PPFIA2: variants seen among roughly 807,000 people sequenced by gnomAD.
The protein encoded by PPFIA2 is liprin-alpha-2.
Under a neutral mutation model 175.5 loss-of-function variants are expected in PPFIA2, and 46 were observed. The observed-to-expected ratio is 0.26, with a 90% CI of 0.21 to 0.34. The LOEUF is 0.34. Among genes scored for constraint, PPFIA2 ranks in the 10% least tolerant of loss-of-function variants. The pLI, the probability that PPFIA2 is intolerant of heterozygous loss-of-function variation, is 1.00. For synonymous variants in PPFIA2, 568 were observed against 511.4 expected (o/e 1.11, Z -1.49); for missense variants, 1,179 against 1,506.1 (o/e 0.78, Z 3.60).
At chr12:81,663,448 A>C (rs1167494611) in intron 4 of PPFIA2, among the ~76,000 whole-genome samples, 1 of 152,218 alleles carries the variant, frequency 6.6e-6, no homozygotes, top group Non-Finnish European at 1.5e-5. Flanking sequence ...AATTGCTTCA[A>C]AGATAATAAA....
intron 22 of PPFIA2, among the ~76,000 whole-genome samples, chr12:81,313,506 A>G (rs1179750054): frequency 1.3e-5 from 2 of 151,980 alleles, no homozygotes; most frequent in Non-Finnish European, 2.9e-5. Flanking sequence ...TCTGTGGGAA[A>G]CTCCTTAGAT....
At chr12:81,540,117 C>T (rs949493057) in intron 4 of PPFIA2, among the ~76,000 whole-genome samples, 3 of 151,746 alleles carry the variant, frequency 2.0e-5, no homozygotes, top group Admixed American at 1.3e-4. Flanking sequence ...GTGTTTATAG[C>T]CAATTTCAGG....
intron 4 of PPFIA2, among the ~76,000 whole-genome samples, chr12:81,632,670 A>G (rs1477952040): frequency 6.6e-6 from 1 of 151,000 alleles, no homozygotes; most frequent in East Asian, 1.9e-4. Flanking sequence ...GAATTACACA[A>G]TATGTTTAAT....
chr12:81,431,542 T>C (rs1287968685), intron 7 of PPFIA2: 2 of 152,208 alleles, frequency 1.3e-5, no homozygotes, highest in Non-Finnish European at 2.9e-5. Flanking sequence ...TATATTTATT[T>C]ACAATATTTT....
chr12:81,589,282 ACTCATTGATTT>A (rs1399263328), intron 4 of PPFIA2, among the ~76,000 whole-genome samples: 1 of 152,064 alleles, frequency 6.6e-6, no homozygotes, highest in African/African-American at 2.4e-5. Flanking sequence ...CCCAAAGGCT[ACTCATTGATTT>A]CTATGGTTGC....
At chr12:81,637,776 C>G (rs2064302231) in intron 4 of PPFIA2, among the ~76,000 whole-genome samples, 1 of 152,144 alleles carries the variant, frequency 6.6e-6, no homozygotes, top group Non-Finnish European at 1.5e-5. Flanking sequence ...AAAGAGACAA[C>G]AGTAGACATA....
chr12:81,438,209 C>T (rs1196441070), intron 7 of PPFIA2, among the ~76,000 whole-genome samples: 1 of 152,160 alleles, frequency 6.6e-6, no homozygotes, highest in Admixed American at 6.5e-5. Context: ...GTGGCTCACG[C>T]GTGTAATCCC....
At chr12:81,523,673 C>T (rs1408565956) in intron 4 of PPFIA2, among the ~76,000 whole-genome samples, 2 of 152,014 alleles carry the variant, frequency 1.3e-5, no homozygotes, top group African/African-American at 4.8e-5. Context: ...GTACACTGTG[C>T]TGCCAAAAAA....
intron 4 of PPFIA2, among the ~76,000 whole-genome samples, chr12:81,590,464 T>C (rs1567479152): frequency 1.3e-5 from 2 of 152,122 alleles, no homozygotes; most frequent in Admixed American, 1.3e-4. Flanking sequence ...TCTTTTTTCT[T>C]TTTCTTTTTT....
intron 22 of PPFIA2, among the ~76,000 whole-genome samples, chr12:81,304,938 G>T (rs1160126797): frequency 6.6e-6 from 1 of 152,000 alleles, no homozygotes; most frequent in East Asian, 1.9e-4. Flanking sequence ...GGCCAGAGTT[G>T]TGATCTAAGG....
chr12:81,363,640 A>AT (rs936272301), intron 14 of PPFIA2, among the ~76,000 whole-genome samples: 41 of 149,750 alleles, frequency 2.7e-4, no homozygotes, highest in Middle Eastern at 3.4e-3. Context: ...TTCTCACCAC[A>AT]TTTTTTTTTG....
At chr12:81,751,534 TACACACACAC>T (rs10591884) in intron 3 of PPFIA2, among the ~76,000 whole-genome samples, 10 of 144,202 alleles carry the variant, frequency 6.9e-5, no homozygotes, top group African/African-American at 1.0e-4. Context: ...TATAATATGC[TACACACACAC>T]ACACACACAC....
At chr12:81,613,219 T>C (rs919663156) in intron 4 of PPFIA2, among the ~76,000 whole-genome samples, 1 of 152,184 alleles carries the variant, frequency 6.6e-6, no homozygotes, top group Non-Finnish European at 1.5e-5. Flanking sequence ...CCTATCACTC[T>C]GGATACCAGA....
chr12:81,657,330 A>T (rs1429948121), intron 4 of PPFIA2, among the ~76,000 whole-genome samples: 2 of 152,222 alleles, frequency 1.3e-5, no homozygotes, highest in Non-Finnish European at 2.9e-5. Context: ...TCCTTGGAAA[A>T]CTAGCTCATT....
intron 8 of PPFIA2, among the ~76,000 whole-genome samples, chr12:81,398,364 T>C (rs983570802): frequency 6.6e-6 from 1 of 152,136 alleles, no homozygotes; most frequent in African/African-American, 2.4e-5. Flanking sequence ...AATAAACTCT[T>C]CCATCCTCTT....
intron 3 of PPFIA2, among the ~76,000 whole-genome samples, chr12:81,705,104 AAAAAAAAG>A (rs2076956484): frequency 6.7e-6 from 1 of 148,678 alleles, no homozygotes; most frequent in Non-Finnish European, 1.5e-5. Flanking sequence ...AAAAAAAAAA[AAAAAAAAG>A]AACCCATCTT....
chr12:81,643,677 G>T (rs2065669017), intron 4 of PPFIA2, among the ~76,000 whole-genome samples: 1 of 151,914 alleles, frequency 6.6e-6, no homozygotes, highest in South Asian at 2.1e-4. Flanking sequence ...TCACCTGAAG[G>T]TAGGTTATCA....
chr12:81,274,867 G>A (rs1291102066), intron 28 of PPFIA2, among the ~76,000 whole-genome samples: 2 of 152,126 alleles, frequency 1.3e-5, no homozygotes, highest in African/African-American at 4.8e-5. Context: ...AGTTGTGTGT[G>A]ATCATAATGA....
At chr12:81,497,961 T>C (rs1032597220) in intron 4 of PPFIA2, among the ~76,000 whole-genome samples, 2 of 152,166 alleles carry the variant, frequency 1.3e-5, no homozygotes, top group Non-Finnish European at 2.9e-5. Context: ...CCCAGGCCTT[T>C]CAATTAAATT....
Sources: gnomAD v4.1 joint callset for allele counts (sites outside exome capture counted in the v4.1 genomes callset) on GRCh38, gnomAD v4.1.1 for gene constraint, MANE v1.5 for transcripts, NCBI Gene and HGNC (gene_info 2026-07-23, HGNC 2026-07-21) for gene names.